Variants in SAP30BP observed in about 807,000 individuals in gnomAD.
The protein encoded by SAP30BP is SAP30-binding protein.
In SAP30BP, 31 loss-of-function variants were observed where a neutral mutation model predicts 46.3. That is an observed-to-expected ratio of 0.67 (90% CI 0.50 to 0.90). The LOEUF is 0.90. Ranked by LOEUF, SAP30BP falls within the 40% of genes least tolerant of loss-of-function variation. The probability of loss-of-function intolerance (pLI) is 0.00; values close to 1 mark genes in which losing one functional copy is unlikely to be tolerated. For missense variants in SAP30BP, 312 were observed against 391.0 expected (o/e 0.80, Z 1.70); for synonymous variants, 169 against 144.2 (o/e 1.17, Z -1.23).
intron 3 of SAP30BP, chr17:75,692,621 GT>G: frequency 1.8e-6 from 1 of 560,630 alleles, no homozygotes; most frequent in Non-Finnish European, 2.3e-6. Context: ...ATTGATTTTG[GT>G]TTAGATGAAA....
intron 9 of SAP30BP, chr17:75,705,019 C>T: frequency 1.8e-6 from 1 of 557,270 alleles, no homozygotes; most frequent in Non-Finnish European, 3.2e-6. Flanking sequence ...CCCTCGGAGA[C>T]TTGTTTGCTA....
rs1161184409 is a variant in SAP30BP at position 75,667,562 on chromosome 17, T to C, written c.106+84T>C. On this transcript the variant is annotated intron_variant, in intron 1 of 10. Transcript: ENST00000584667. ...CCTCGCTGGGCGGGAGGGAACAAGA[T>C]GGTCATTGTGCTCCAAGCACCGGAC... 1.0e-5 allele frequency: 13 copies of C among 1,279,584 alleles called. No individual in the cohort carries two copies. The South Asian group carries it at 1.2e-4, about 12-fold the overall frequency. The allele number at this position is 1,279,584 out of a possible 1,614,324, so 79.3% of individuals were successfully genotyped here.
At chr17:75,669,131 T>C (rs2059868544) in intron 2 of SAP30BP, among the ~76,000 whole-genome samples, 1 of 152,058 alleles carries the variant, frequency 6.6e-6, no homozygotes, top group Non-Finnish European at 1.5e-5. Context: ...TGGAGTGCAG[T>C]GGTGTGATCA....
intron 3 of SAP30BP, among the ~76,000 whole-genome samples, chr17:75,687,917 G>GGTGTGTGTGTGTGTGT (rs68006166): frequency 5.3e-4 from 64 of 120,356 alleles, no homozygotes; most frequent in African/African-American, 1.5e-3. Context: ...CAGTGTTTGG[G>GGTGTGTGTGTGTGTGT]GTGTGTGTGT....
chr17:75,698,583 T>C (rs1038510236), intron 4 of SAP30BP, among the ~76,000 whole-genome samples: 5 of 146,594 alleles, frequency 3.4e-5, no homozygotes, highest in African/African-American at 5.0e-5. Context: ...CAGTGGTGGC[T>C]GGAGCTGGTT....
chr17:75,685,147 C>T (rs1019755011), intron 3 of SAP30BP, among the ~76,000 whole-genome samples: 3 of 152,190 alleles, frequency 2.0e-5, no homozygotes, highest in South Asian at 2.1e-4. Context: ...TCCCATCAGC[C>T]GTGCAAGCCC....
intron 2 of SAP30BP, among the ~76,000 whole-genome samples, 163 bp from the exon 3 acceptor site, chr17:75,671,653 C>T (rs2059909307): frequency 6.6e-6 from 1 of 151,428 alleles, no homozygotes; most frequent in Non-Finnish European, 1.5e-5. Context: ...TCTCTTTTTC[C>T]CCTTATTTTT....
At chr17:75,702,444 C>T in intron 5 of SAP30BP, 36 bp from the exon 6 acceptor site, 1 of 973,848 alleles carries the variant, frequency 1.0e-6, no homozygotes, top group Non-Finnish European at 1.6e-6. Flanking sequence ...GGGCTTCTGT[C>T]ATACACCCCC....
intron 1 of SAP30BP, chr17:75,668,131 T>C (rs1429767585): frequency 1.7e-5 from 3 of 181,708 alleles, no homozygotes; most frequent in East Asian, 3.1e-4. Context: ...TATCAGGACC[T>C]TAGCTTCCTC....
intron 2 of SAP30BP, 81 bp downstream of exon 2, chr17:75,668,706 A>G (rs1440592617): frequency 1.9e-5 from 17 of 906,938 alleles, no homozygotes; most frequent in Non-Finnish European, 2.8e-5. Context: ...ACAGTGTTCC[A>G]TTTCATGGTT....
Position 75,671,860 on chromosome 17 carries a change from A to G in SAP30BP, c.261A>G (p.Pro87=). Residue 87 remains proline (P), a synonymous_variant, in exon 3 of 11, where the codon CCA becomes CCG. Coordinates refer to ENST00000584667, the MANE Select transcript of SAP30BP (RefSeq NM_013260.8). ...SETEKPEADD[P]KDNTEAEKRD... The stretch of plus-strand genomic sequence containing the variant: ...CTGAAAAACCTGAGGCTGATGACCC[A>G]AAGGTATTTGGTGTTGGCTGTGGTG... 1 of 1,613,280 alleles carries G rather than the reference A, an allele frequency of 6.2e-7. No homozygotes were observed. The highest frequency in any genetic ancestry group is 8.5e-7 in the Non-Finnish European group (1 of 1,179,250).
chr17:75,667,983 G>A (rs1305360769), intron 1 of SAP30BP: 2 of 159,180 alleles, frequency 1.3e-5, no homozygotes, highest in African/African-American at 2.4e-5. Context: ...AACTTTTTAA[G>A]GATCCCAGGT....
Position 75,690,384 on chromosome 17 carries a change from G to A in SAP30BP, c.265-3056G>A, listed in dbSNP as rs62090775. Among the ~76,000 whole-genome samples the A allele has an allele frequency of 3.0e-3, 464 of 152,250 alleles. 1 individual carries two copies. The highest frequency in any genetic ancestry group is 0.013 in the South Asian group (61 of 4,826). ...TTCAGTGGATGGTTGTGTGTAAATG[G>A]TACTAAAAAGCAGCTCTGGGGTATT... On this transcript the variant is annotated intron_variant, in intron 3 of 10. Coordinates refer to ENST00000584667, the MANE Select transcript of SAP30BP (RefSeq NM_013260.8).
At chr17:75,669,011 C>T (rs1173780689) in intron 2 of SAP30BP, among the ~76,000 whole-genome samples, 4 of 151,834 alleles carry the variant, frequency 2.6e-5, no homozygotes, top group Non-Finnish European at 5.9e-5. Context: ...GGTTGGGGCT[C>T]ATTTAAGTCT....
chr17:75,689,155 C>CT (rs11306586), intron 3 of SAP30BP, among the ~76,000 whole-genome samples: 100 of 133,960 alleles, frequency 7.5e-4, no homozygotes, highest in Middle Eastern at 7.4e-3. Flanking sequence ...TTCCTTGTAT[C>CT]TTTTTTTTTT....
rs774672392 is a variant in SAP30BP, at chr17:75,706,440, C to T, written c.846C>T (p.Val282=). The T allele has an allele frequency of 1.1e-5, 17 of 1,614,222 alleles. No individual in the cohort carries two copies. Among genetic ancestry groups the T allele is most frequent in the Non-Finnish European group, 1.4e-5 (16 of 1,180,040 alleles). The change falls in exon 11 of 11, where the codon GTC becomes GTT. Residue 282 remains valine (V), a synonymous_variant. Coordinates refer to ENST00000584667, the MANE Select transcript of SAP30BP (RefSeq NM_013260.8). This position sits in a 1 kb window ranked among gnomAD's most constrained non-coding sequence, Gnocchi z 4.6. ...LTTTATLPAV[V]TVTTSASGSK... Reference sequence around the variant, plus strand: ...CCACAGCCACCCTGCCAGCTGTTGTCACGGTCACCACCAGCGCCAGCGGCT... The same window carrying T: ...CCACAGCCACCCTGCCAGCTGTTGTTACGGTCACCACCAGCGCCAGCGGCT...
chr17:75,695,491 C>A (rs142045283), intron 4 of SAP30BP, among the ~76,000 whole-genome samples: 9 of 152,304 alleles, frequency 5.9e-5, no homozygotes, highest in Non-Finnish European at 1.0e-4. Context: ...TAGGGATACA[C>A]CACAGTTTGT....
chr17:75,700,000 G>A (rs2060383254), intron 5 of SAP30BP, 129 bp downstream of exon 5: 1 of 665,834 alleles, frequency 1.5e-6, no homozygotes, highest in East Asian at 2.7e-5. Context: ...AAACTGACAG[G>A]TGGGAAGGAT....
At chr17:75,690,112 C>A (rs1282756806) in intron 3 of SAP30BP, among the ~76,000 whole-genome samples, 1 of 152,184 alleles carries the variant, frequency 6.6e-6, no homozygotes, top group East Asian at 1.9e-4. Flanking sequence ...ACCACCAAAT[C>A]TAAAATAAAA....
Sources: allele counts gnomAD v4.1 joint callset (sites outside exome capture counted in the v4.1 genomes callset), GRCh38; gene constraint gnomAD v4.1.1; non-coding constraint Gnocchi (gnomAD v3.1); transcripts MANE v1.5; gene names NCBI Gene and HGNC (gene_info 2026-07-23, HGNC 2026-07-21).